The following PCDHGB3 variants were observed in gnomAD, a reference collection of about 807,000 sequenced individuals.
The protein encoded by PCDHGB3 is protocadherin gamma subfamily B, 3.
In PCDHGB3, 40 loss-of-function variants were observed where a neutral mutation model predicts 59.2. That is an observed-to-expected ratio of 0.68 (90% confidence interval 0.52 to 0.88). PCDHGB3 has a LOEUF of 0.88. Among genes scored for constraint, PCDHGB3 ranks in the 40% least tolerant of loss-of-function variants. The pLI is 0.00. For missense variants in PCDHGB3, 1,309 were observed against 1,187.9 expected (o/e 1.10, Z -1.50); for synonymous variants, 581 against 503.6 (o/e 1.15, Z -2.06).
At chr5:141,463,460 T>TA (rs1554144871) in intron 1 of PCDHGB3, among the ~76,000 whole-genome samples, 2 of 136,122 alleles carry the variant, frequency 1.5e-5, no homozygotes, top group Non-Finnish European at 3.1e-5. Context: ...TTTTTTTTTT[T>TA]TTTTTTGAGA....
rs2099669219 is a variant in PCDHGB3, at chr5:141,487,927, C to T, written c.2416-6880C>T. 3 of 626,498 alleles carry T rather than the reference C, an allele frequency of 4.8e-6. No homozygotes were observed. Among genetic ancestry groups the T allele is most frequent in the Admixed American group, 5.9e-5 (2 of 34,100 alleles). The allele number at this position is 626,498 out of a possible 1,614,324, so 38.8% of individuals were successfully genotyped here. On this transcript the variant is annotated intron_variant, in intron 1 of 3. Coordinates refer to ENST00000576222, the MANE Select transcript of PCDHGB3 (RefSeq NM_018924.5). The surrounding 1 kb of genome is among the most constrained non-coding windows in gnomAD (Gnocchi z 5.0). ...TGGGAGCACAGGAGGCTACAGTGCA[C>T]AGGGTACAGTGCACCAGGCAGTCAC...
At chr5:141,404,615 C>T in intron 1 of PCDHGB3, 5 of 1,614,122 alleles carry the variant, frequency 3.1e-6, no homozygotes, top group Non-Finnish European at 4.2e-6. Flanking sequence ...TGTTTTGGAC[C>T]AGAATGACAA....
intron 1 of PCDHGB3, chr5:141,382,977 C>T: frequency 6.2e-7 from 1 of 1,610,566 alleles, no homozygotes. Context: ...CCTGGGAAGC[C>T]TGGGCAGGAC....
chr5:141,418,270 A>T, intron 1 of PCDHGB3: 1 of 1,614,052 alleles, frequency 6.2e-7, no homozygotes. Context: ...GGAAAGATGA[A>T]ATAAACTTAG....
chr5:141,414,791 G>A (rs375736950), intron 1 of PCDHGB3: 43 of 1,614,120 alleles, frequency 2.7e-5, no homozygotes, highest in Non-Finnish European at 3.3e-5. Context: ...GTGACAGCCA[G>A]CGACAGCGGG....
chr5:141,389,330 C>T, intron 1 of PCDHGB3: 1 of 1,614,000 alleles, frequency 6.2e-7, no homozygotes. Context: ...TGGGGCCCAA[C>T]GGCCAAGTCT....
Position 141,414,827 on chromosome 5 carries a change from C to T in PCDHGB3, c.2415+42018C>T, listed in dbSNP as rs1253521902. On this transcript the variant is annotated intron_variant, in intron 1 of 3. Coordinates refer to ENST00000576222, the MANE Select transcript of PCDHGB3 (RefSeq NM_018924.5). Reference sequence around the variant, plus strand: ...GATCCTCCACTCAGCAGCAACGTGTCGTTGAGCCTGTTTGTGCTGGACCAG... The same window carrying T: ...GATCCTCCACTCAGCAGCAACGTGTTGTTGAGCCTGTTTGTGCTGGACCAG... 1.9e-6 allele frequency: 3 copies of T among 1,614,116 alleles called. No individual in the cohort carries two copies. Among genetic ancestry groups the T allele is most frequent in the African/African-American group, 1.3e-5 (1 of 74,946 alleles).
At chr5:141,427,153 T>C (rs2096993361) in intron 1 of PCDHGB3, 1 of 456,886 alleles carries the variant, frequency 2.2e-6, no homozygotes, top group Non-Finnish European at 4.4e-6. Context: ...GGAAATATGT[T>C]TGTGCTAGAC....
At position 141,404,471 on chromosome 5, in the gene PCDHGB3, A is replaced by G. The variant is rs200620626; in HGVS notation, c.2415+31662A>G. ...GTCTCCTCTCTCCACCTATGTCTCT[A>G]TTAACTCAGACACTGGTGTGCTGTA... On this transcript the variant is annotated intron_variant, in intron 1 of 3. Coordinates refer to ENST00000576222, the MANE Select transcript of PCDHGB3 (RefSeq NM_018924.5). 307 of 1,613,160 alleles carry G rather than the reference A, an allele frequency of 1.9e-4. No homozygotes were observed. Among genetic ancestry groups the G allele is most frequent in the Non-Finnish European group, 2.5e-4 (293 of 1,179,322 alleles).
intron 1 of PCDHGB3, chr5:141,422,827 A>T: frequency 6.2e-7 from 1 of 1,614,208 alleles, no homozygotes; most frequent in Non-Finnish European, 8.5e-7. Context: ...ACTGAGAGTG[A>T]TAGCACGTGA....
At chr5:141,413,318 T>C in intron 1 of PCDHGB3, 1 of 1,613,968 alleles carries the variant, frequency 6.2e-7, no homozygotes, top group Non-Finnish European at 8.5e-7. Flanking sequence ...AAAGGCTCTT[T>C]CGTGGGCAAC....
chr5:141,377,024 G>A (rs944242934), intron 1 of PCDHGB3: 5 of 154,950 alleles, frequency 3.2e-5, no homozygotes, highest in African/African-American at 1.2e-4. Context: ...GAAAATTCAA[G>A]ATTGTCTTTG....
chr5:141,387,317 A>C (rs149989100), intron 1 of PCDHGB3, among the ~76,000 whole-genome samples: 9 of 152,348 alleles, frequency 5.9e-5, no homozygotes, highest in African/African-American at 1.4e-4. Flanking sequence ...CTAATGAGTA[A>C]GTATGGAAAA....
At chr5:141,499,061 G>A (rs1300036203) in intron 2 of PCDHGB3, among the ~76,000 whole-genome samples, 1 of 151,914 alleles carries the variant, frequency 6.6e-6, no homozygotes, top group African/African-American at 2.4e-5. Flanking sequence ...AAATGAAGAA[G>A]ACTTACATTC....
chr5:141,476,029 A>G lies in PCDHGB3; in HGVS notation c.2416-18778A>G, dbSNP rs975943706. The G allele has an allele frequency of 2.3e-5, 34 of 1,455,312 alleles. No homozygotes were observed. The highest frequency in any genetic ancestry group is 1.1e-4 in the African/African-American group (8 of 70,728). 90.1% of individuals were successfully genotyped at this position (1,455,312 alleles called of 1,614,324 possible). A position where few individuals can be genotyped will look rare whatever the true frequency, so the allele number is the denominator to read the frequency against. On this transcript the variant is annotated intron_variant, in intron 1 of 3. Transcript: ENST00000576222. The surrounding 1 kb of genome is among the most constrained non-coding windows in gnomAD (Gnocchi z 7.6). The stretch of plus-strand genomic sequence containing the variant: ...GAAAGCCATGTCGGACTCGGCGCCC[A>G]GCGCCCAAGCGCTAACCCGCTGAAA...
At chr5:141,390,271 C>A in intron 1 of PCDHGB3, 1 of 1,614,036 alleles carries the variant, frequency 6.2e-7, no homozygotes, top group Non-Finnish European at 8.5e-7. Context: ...AGTGAATTGA[C>A]TTCCCATCAG....
intron 1 of PCDHGB3, among the ~76,000 whole-genome samples, chr5:141,438,497 T>C (rs1274742357): frequency 6.7e-6 from 1 of 149,116 alleles, no homozygotes; most frequent in African/African-American, 2.5e-5. Flanking sequence ...GAAAAAAGAA[T>C]CATAGTGCAA....
Position 141,490,179 on chromosome 5 carries a change from A to G in PCDHGB3, c.2416-4628A>G. On this transcript the variant is annotated intron_variant, in intron 1 of 3. Transcript: ENST00000576222. This position sits in a 1 kb window ranked among gnomAD's most constrained non-coding sequence, Gnocchi z 5.4. Reference sequence around the variant, plus strand: ...TGGGTCCCATAGACTTTGAGGAGTCACGTTTCTATGAAATTCATGCAAGAG... The same window carrying G: ...TGGGTCCCATAGACTTTGAGGAGTCGCGTTTCTATGAAATTCATGCAAGAG... 1 of 1,614,202 alleles carries G rather than the reference A, an allele frequency of 6.2e-7. No individual in the cohort carries two copies. Among genetic ancestry groups the G allele is most frequent in the East Asian group, 2.2e-5 (1 of 44,882 alleles).
At chr5:141,398,511 C>A in intron 1 of PCDHGB3, 1 of 1,595,066 alleles carries the variant, frequency 6.3e-7, no homozygotes, top group Non-Finnish European at 8.5e-7. Flanking sequence ...ACATTAATGA[C>A]CACACGCCAA....
Sources: gnomAD v4.1 joint callset for allele counts (sites outside exome capture counted in the v4.1 genomes callset) on GRCh38, gnomAD v4.1.1 for gene constraint, Gnocchi (gnomAD v3.1) non-coding constraint, MANE v1.5 for transcripts, NCBI Gene and HGNC (gene_info 2026-07-23, HGNC 2026-07-21) for gene names.